The following MGST2 variants were observed in gnomAD, a reference collection of about 807,000 sequenced individuals.
MGST2 encodes microsomal glutathione S-transferase 2.
MGST2 carries 9 observed loss-of-function variants against 16.6 expected under a neutral mutation model. The observed-to-expected ratio is 0.54, with a 90% CI of 0.33 to 0.95. MGST2 has a LOEUF of 0.95. MGST2 is among the 40% of genes least tolerant of loss of function. The pLI, the probability that MGST2 is intolerant of heterozygous loss-of-function variation, is 0.03. For synonymous variants in MGST2, 79 were observed against 68.0 expected, an observed-to-expected ratio of 1.16 and a Z score of -0.79; for missense variants, 159 against 175.1, an observed-to-expected ratio of 0.91 and a Z score of 0.52.
the MGST2 span, among the ~76,000 whole-genome samples, chr4:139,753,832 A>G: frequency 6.6e-6 from 1 of 152,200 alleles, no homozygotes; most frequent in African/African-American, 2.4e-5. Context: ...ACCAAGACGC[A>G]CGGGTATGGC....
intron 2 of MGST2, among the ~76,000 whole-genome samples, chr4:139,685,856 G>A (rs1020254781): frequency 1.2e-4 from 18 of 152,086 alleles, no homozygotes; most frequent in African/African-American, 4.1e-4. Context: ...TAGAGACAGG[G>A]TTTCACCATC....
At chr4:139,726,068 A>G (rs1728462486) in intron 5 of MGST2, among the ~76,000 whole-genome samples, 1 of 152,232 alleles carries the variant, frequency 6.6e-6, no homozygotes, top group Non-Finnish European at 1.5e-5. Flanking sequence ...GAACGCTGCC[A>G]GGAGCCCCTC....
At chr4:139,696,373 C>T (rs1418045688) in intron 3 of MGST2, among the ~76,000 whole-genome samples, 1 of 152,182 alleles carries the variant, frequency 6.6e-6, no homozygotes, top group Non-Finnish European at 1.5e-5. Flanking sequence ...GTGCTTGTAT[C>T]ATAGAAGGGT....
intron 5 of MGST2, chr4:139,719,547 G>T: frequency 2.5e-6 from 4 of 1,613,868 alleles, no homozygotes; most frequent in Non-Finnish European, 3.4e-6. Flanking sequence ...TGCTGTGCTG[G>T]GGGCTGGCTG....
At chr4:139,691,688 G>GATTATTATTATT (rs1491530941) in intron 2 of MGST2, among the ~76,000 whole-genome samples, 1 of 139,474 alleles carries the variant, frequency 7.2e-6, no homozygotes, top group African/African-American at 2.6e-5. Flanking sequence ...TGATGATGAT[G>GATTATTATTATT]ATGATGATGA....
At chr4:139,669,752 C>A (rs531122095) in intron 1 of MGST2, among the ~76,000 whole-genome samples, 1 of 152,312 alleles carries the variant, frequency 6.6e-6, no homozygotes, top group African/African-American at 2.4e-5. Context: ...AAGGCTGTGA[C>A]AATTTATTTT....
At chr4:139,746,940 T>C in the MGST2 span, among the ~76,000 whole-genome samples, 1 of 152,076 alleles carries the variant, frequency 6.6e-6, no homozygotes, top group African/African-American at 2.4e-5. Flanking sequence ...CCAGCTTTTG[T>C]CGGGGGTTCA....
In MGST2 at chr4:139,666,001, A is replaced by G. The variant is rs201323021; in HGVS notation, c.-19A>G. On this transcript the variant is annotated 5_prime_UTR_variant, in exon 1 of 5. Transcript: ENST00000265498. Reference sequence around the variant, plus strand: ...CCATTTATCTTCCCGTGCGCTCTACAAATAGTTCCGTGAGAAAGATGGCCG... The same window carrying G: ...CCATTTATCTTCCCGTGCGCTCTACGAATAGTTCCGTGAGAAAGATGGCCG... 4.5e-4 allele frequency: 731 copies of G among 1,613,960 alleles called. 1 individual carries two copies. The highest frequency in any genetic ancestry group is 5.9e-4 in the Non-Finnish European group (695 of 1,179,890).
At chr4:139,753,939 T>G in the MGST2 span, among the ~76,000 whole-genome samples, 1 of 152,220 alleles carries the variant, frequency 6.6e-6, no homozygotes, top group African/African-American at 2.4e-5. Context: ...TAACTCTGTC[T>G]GGAGACTGGG....
At chr4:139,688,160 C>A (rs1454713263) in intron 2 of MGST2, among the ~76,000 whole-genome samples, 1 of 152,138 alleles carries the variant, frequency 6.6e-6, no homozygotes, top group Non-Finnish European at 1.5e-5. Flanking sequence ...GCTGAAAGAC[C>A]ATTATTAAGC....
chr4:139,753,145 T>G, the MGST2 span, among the ~76,000 whole-genome samples: 1 of 152,216 alleles, frequency 6.6e-6, no homozygotes, highest in Non-Finnish European at 1.5e-5. Context: ...CTTCTTTCCC[T>G]TTTCATTGGG....
At chr4:139,750,924 G>C in the MGST2 span, among the ~76,000 whole-genome samples, 1 of 152,150 alleles carries the variant, frequency 6.6e-6, no homozygotes, top group Non-Finnish European at 1.5e-5. Flanking sequence ...TTGAAAATAA[G>C]CAATCTTTTA....
intron 5 of MGST2, among the ~76,000 whole-genome samples, chr4:139,724,042 G>A (rs1192258602): frequency 2.0e-5 from 3 of 152,286 alleles, no homozygotes; most frequent in South Asian, 2.1e-4. Flanking sequence ...CCACTCTTCC[G>A]AAGCTACCCA....
intron 1 of MGST2, among the ~76,000 whole-genome samples, chr4:139,672,526 C>T (rs1730752479): frequency 6.6e-6 from 1 of 151,942 alleles, no homozygotes; most frequent in South Asian, 2.1e-4. Flanking sequence ...TCACTCTGCT[C>T]TCTCAGGCTG....
intron 2 of MGST2, among the ~76,000 whole-genome samples, chr4:139,683,919 G>GTTTTTTTTT (rs34222679): frequency 9.7e-5 from 9 of 92,410 alleles, no homozygotes; most frequent in Non-Finnish European, 1.3e-4. Context: ...TCAGTTTTGT[G>GTTTTTTTTT]TTTTTTTTTT....
intron 5 of MGST2, among the ~76,000 whole-genome samples, chr4:139,712,435 T>G (rs953493519): frequency 2.0e-5 from 3 of 152,260 alleles, no homozygotes; most frequent in Non-Finnish European, 4.4e-5. Flanking sequence ...CCATTTTTAC[T>G]AAAGACGAAT....
At chr4:139,727,502 C>T (rs1728521995) in intron 5 of MGST2, among the ~76,000 whole-genome samples, 1 of 152,182 alleles carries the variant, frequency 6.6e-6, no homozygotes, top group African/African-American at 2.4e-5. Flanking sequence ...TCCTCAGTTC[C>T]ATCCTGGCTC....
chr4:139,750,478 C>G, the MGST2 span, among the ~76,000 whole-genome samples: 1 of 152,200 alleles, frequency 6.6e-6, no homozygotes, highest in Non-Finnish European at 1.5e-5. Flanking sequence ...TTTGGGCTTT[C>G]TTCTCTTTGT....
intron 3 of MGST2, among the ~76,000 whole-genome samples, chr4:139,699,779 C>T (rs1727135528): frequency 1.3e-5 from 2 of 152,192 alleles, no homozygotes; most frequent in Non-Finnish European, 2.9e-5. Flanking sequence ...AAGCTTATGC[C>T]TGTAATCCCA....
Sources: gnomAD v4.1 joint callset for allele counts (sites outside exome capture counted in the v4.1 genomes callset) on GRCh38, gnomAD v4.1.1 for gene constraint, MANE v1.5 for transcripts, NCBI Gene and HGNC (gene_info 2026-07-23, HGNC 2026-07-21) for gene names.